The following LMBR1 variants were observed in gnomAD, a reference collection of about 807,000 sequenced individuals.
LMBR1 encodes the protein limb region 1 protein homolog.
In LMBR1, 52 loss-of-function variants were observed where a neutral mutation model predicts 73.9. The ratio of observed to expected loss-of-function variants is 0.70; its 90% confidence interval spans 0.56 to 0.89. The LOEUF (loss-of-function observed/expected upper bound fraction) is 0.89. Ranked by LOEUF, LMBR1 falls within the 40% of genes least tolerant of loss-of-function variation. The pLI is 0.00. For synonymous variants in LMBR1, 215 were observed against 209.4 expected (o/e 1.03, Z -0.23); for missense variants, 539 against 579.8 (o/e 0.93, Z 0.72).
chr7:156,693,589 T>C (rs1807678035), intron 15 of LMBR1, among the ~76,000 whole-genome samples: 1 of 152,080 alleles, frequency 6.6e-6, no homozygotes, highest in Non-Finnish European at 1.5e-5. Flanking sequence ...CCAGACTAAC[T>C]TTAGAAGAAA....
Position 156,725,810 on chromosome 7 carries a change from A to G in LMBR1, c.1021T>C (p.Ser341Pro). ...GCAGCTCCCACAAAACCAAACGTAGAAAGAGAGGCATTTCCTATTCCAGGC... is the reference window on the plus strand; with the variant it reads ...GCAGCTCCCACAAAACCAAACGTAGGAAGAGAGGCATTTCCTATTCCAGGC... ...RGPGIGNASL[S>P]TFGFVGAALE... Residue 341 changes from serine to proline, a missense_variant, in exon 13 of 17, where the codon TCT becomes CCT. Physicochemically the swap from Ser to Pro is moderately conservative, Grantham distance 74. Transcript: ENST00000353442. The G allele has an allele frequency of 3.1e-6, 5 of 1,613,782 alleles. No homozygotes were observed. The highest frequency in any genetic ancestry group is 1.1e-5 in the South Asian group (1 of 91,028).
chr7:156,675,323 G>C (rs1433963942), downstream of LMBR1, among the ~76,000 whole-genome samples: 2 of 152,240 alleles, frequency 1.3e-5, no homozygotes, highest in African/African-American at 4.8e-5. Flanking sequence ...TGGAGACGAG[G>C]GTGCCTCTCA....
chr7:156,811,608 CAAAAAA>C (rs11352812), intron 4 of LMBR1, among the ~76,000 whole-genome samples: 1 of 146,100 alleles, frequency 6.8e-6, no homozygotes, highest in Non-Finnish European at 1.5e-5. Context: ...GACTCCGTCT[CAAAAAA>C]AAAAAAGAAT....
At chr7:156,840,914 G>A (rs1235881506) in intron 1 of LMBR1, among the ~76,000 whole-genome samples, 8 of 144,094 alleles carry the variant, frequency 5.6e-5, no homozygotes, top group Non-Finnish European at 9.0e-5. Context: ...GCAATGAGCC[G>A]AGATCGTGCC....
At chr7:156,874,416 G>A (rs1483731362) in intron 1 of LMBR1, among the ~76,000 whole-genome samples, 1 of 152,234 alleles carries the variant, frequency 6.6e-6, no homozygotes, top group Non-Finnish European at 1.5e-5. Flanking sequence ...GAGGGAGTGG[G>A]CTCCAGCCTC....
intron 4 of LMBR1, among the ~76,000 whole-genome samples, chr7:156,800,482 C>CAAAAAAA (rs1245017996): frequency 4.9e-5 from 4 of 81,032 alleles, no homozygotes; most frequent in African/African-American, 1.5e-4. Context: ...ACTTGCTACT[C>CAAAAAAA]AAAAAAAAAA....
intron 5 of LMBR1, among the ~76,000 whole-genome samples, 175 bp from the exon 6 acceptor site, chr7:156,763,970 AATTATGGAAAAT>A: frequency 6.6e-6 from 1 of 152,350 alleles, no homozygotes; most frequent in South Asian, 2.1e-4. Context: ...TGACTTTTCA[AATTATGGAAAAT>A]ATTATTAAGC....
chr7:156,673,268 G>C (rs912806843), downstream of LMBR1, among the ~76,000 whole-genome samples: 3 of 152,184 alleles, frequency 2.0e-5, no homozygotes, highest in Admixed American at 1.3e-4. Flanking sequence ...GGCATATGTG[G>C]AAAGTATCTC....
At chr7:156,784,146 T>G (rs369851902) in intron 5 of LMBR1, among the ~76,000 whole-genome samples, 1 of 152,232 alleles carries the variant, frequency 6.6e-6, no homozygotes, top group East Asian at 1.9e-4. Context: ...TTAAAGAAAA[T>G]CCCCTAGATA....
intron 2 of LMBR1, among the ~76,000 whole-genome samples, chr7:156,836,087 G>C (rs561889941): frequency 1.3e-5 from 2 of 152,264 alleles, no homozygotes; most frequent in Non-Finnish European, 2.9e-5. Context: ...TAATACACTA[G>C]AGCAGGCACT....
At chr7:156,698,418 C>G (rs1393668312) in intron 15 of LMBR1, among the ~76,000 whole-genome samples, 1 of 152,250 alleles carries the variant, frequency 6.6e-6, no homozygotes, top group Non-Finnish European at 1.5e-5. Flanking sequence ...TCATTCCGTA[C>G]TGCCCTAGCA....
At chr7:156,800,479 ACTC>A (rs1830751469) in intron 4 of LMBR1, among the ~76,000 whole-genome samples, 1 of 146,252 alleles carries the variant, frequency 6.8e-6, no homozygotes. Flanking sequence ...AAGACTTGCT[ACTC>A]AAAAAAAAAA....
At chr7:156,737,718 T>TTTTTTTTTTTTTTTTTTTTTTTTG (rs1432011804) in intron 9 of LMBR1, among the ~76,000 whole-genome samples, 2 of 152,260 alleles carry the variant, frequency 1.3e-5, no homozygotes, top group South Asian at 2.1e-4. Context: ...ATCCCATTTT[T>TTTTTTTTTTTTTTTTTTTTTTTTG]ATGGAACCTG....
intron 3 of LMBR1, among the ~76,000 whole-genome samples, chr7:156,828,634 T>C (rs975833673): frequency 2.6e-5 from 4 of 152,240 alleles, no homozygotes; most frequent in African/African-American, 9.6e-5. Flanking sequence ...GATCATATTG[T>C]AAAGTGTCTT....
chr7:156,702,641 T>G (rs553959280), intron 15 of LMBR1, among the ~76,000 whole-genome samples: 131 of 152,306 alleles, frequency 8.6e-4, no homozygotes, highest in African/African-American at 3.1e-3. Flanking sequence ...AATTTTCTTT[T>G]TTCATTTCTT....
downstream of LMBR1, among the ~76,000 whole-genome samples, chr7:156,673,380 CTCT>C (rs1803021556): frequency 6.6e-6 from 1 of 152,182 alleles, no homozygotes; most frequent in Non-Finnish European, 1.5e-5. Flanking sequence ...GTATAGAGAA[CTCT>C]TCTACTTTCA....
intron 1 of LMBR1, among the ~76,000 whole-genome samples, chr7:156,853,404 TAAAAG>T (rs1314183665): frequency 6.6e-6 from 1 of 151,362 alleles, no homozygotes; most frequent in African/African-American, 2.4e-5. Flanking sequence ...TACTTAATGT[TAAAAG>T]AAAAAAAAAA....
intron 15 of LMBR1, among the ~76,000 whole-genome samples, chr7:156,720,826 T>C (rs1409256656): frequency 1.3e-5 from 2 of 152,074 alleles, no homozygotes; most frequent in Admixed American, 6.6e-5. Flanking sequence ...ATATGACTTA[T>C]ACTTCCATTT....
At chr7:156,790,312 T>G (rs1345245061) in intron 5 of LMBR1, among the ~76,000 whole-genome samples, 2 of 152,020 alleles carry the variant, frequency 1.3e-5, no homozygotes, top group African/African-American at 4.8e-5. Context: ...CTTGGGTACT[T>G]TACCAACCTT....
Sources: gnomAD v4.1 joint callset for allele counts (sites outside exome capture counted in the v4.1 genomes callset) on GRCh38, gnomAD v4.1.1 for gene constraint, MANE v1.5 for transcripts, NCBI Gene and HGNC (gene_info 2026-07-23, HGNC 2026-07-21) for gene names.